The following OSBPL10 variants were observed in gnomAD, a reference collection of about 807,000 sequenced individuals.
OSBPL10 encodes oxysterol-binding protein-related protein 10.
In OSBPL10, 49 loss-of-function variants were observed where a neutral mutation model predicts 81.7. That is an observed-to-expected ratio of 0.60 (90% CI 0.48 to 0.76). The LOEUF is 0.76. OSBPL10 is among the 30% of genes least tolerant of loss of function. The pLI, the probability that OSBPL10 is intolerant of heterozygous loss-of-function variation, is 0.00. For missense variants in OSBPL10, 923 were observed against 987.8 expected, an observed-to-expected ratio of 0.93 and a Z score of 0.88; for synonymous variants, 419 against 383.6, an observed-to-expected ratio of 1.09 and a Z score of -1.08.
At chr3:31,810,025 C>T (rs1364271487) in intron 4 of OSBPL10, among the ~76,000 whole-genome samples, 1 of 151,950 alleles carries the variant, frequency 6.6e-6, no homozygotes, top group Non-Finnish European at 1.5e-5. Context: ...GCATGTGCCA[C>T]CACGCCCGGC....
intron 1 of OSBPL10, among the ~76,000 whole-genome samples, chr3:31,916,096 CAAAA>C (rs1160687382): frequency 3.6e-5 from 3 of 82,484 alleles, no homozygotes; most frequent in Non-Finnish European, 8.1e-5. Context: ...AACTCCGTCT[CAAAA>C]AAAAAAAAAA....
chr3:31,749,860 A>C (rs1697657181), intron 4 of OSBPL10, among the ~76,000 whole-genome samples: 1 of 151,822 alleles, frequency 6.6e-6, no homozygotes, highest in Non-Finnish European at 1.5e-5. Flanking sequence ...CCTTCTTGAG[A>C]AATCTTCCCA....
intron 6 of OSBPL10, among the ~76,000 whole-genome samples, chr3:31,711,237 A>G (rs1285210281): frequency 6.6e-6 from 1 of 152,250 alleles, no homozygotes; most frequent in Non-Finnish European, 1.5e-5. Context: ...CAACTGGACC[A>G]GAAATGTCAG....
upstream of OSBPL10, chr3:31,981,348 G>T: frequency 8.4e-7 from 1 of 1,183,578 alleles, no homozygotes; most frequent in Non-Finnish European, 1.1e-6. This position sits in a 1 kb window ranked among gnomAD's most constrained non-coding sequence, Gnocchi z 4.5. Flanking sequence ...AAGGAGAGCT[G>T]GGAAGGAAGC....
intron 3 of OSBPL10, among the ~76,000 whole-genome samples, chr3:31,871,266 C>G (rs887550096): frequency 1.3e-5 from 2 of 152,022 alleles, no homozygotes; most frequent in Non-Finnish European, 2.9e-5. Flanking sequence ...CCAGCGAGAC[C>G]ATGAGCCCAC....
At chr3:31,874,497 A>G (rs1007353378) in intron 3 of OSBPL10, among the ~76,000 whole-genome samples, 6 of 152,190 alleles carry the variant, frequency 3.9e-5, no homozygotes, top group African/African-American at 1.4e-4. Flanking sequence ...AATCCTTTGT[A>G]CACAAAGAGC....
intron 2 of OSBPL10, among the ~76,000 whole-genome samples, chr3:32,025,910 T>C (rs181914291): frequency 6.6e-6 from 1 of 152,244 alleles, no homozygotes; most frequent in Admixed American, 6.6e-5. Flanking sequence ...ACAGACTCCA[T>C]CAGCCAGGGT....
chr3:32,009,112 A>G (rs1190261137), intron 2 of OSBPL10, among the ~76,000 whole-genome samples: 3 of 152,182 alleles, frequency 2.0e-5, no homozygotes, highest in Non-Finnish European at 4.4e-5. Context: ...TGTTTTTGTT[A>G]TAAAATATTC....
At chr3:31,965,801 T>TA (rs1698363614) in intron 1 of OSBPL10, among the ~76,000 whole-genome samples, 2 of 70,934 alleles carry the variant, frequency 2.8e-5, no homozygotes, top group Non-Finnish European at 4.3e-5. Flanking sequence ...AGATATATTA[T>TA]CTATTTATAT....
chr3:31,961,487 G>T (rs1003647555), intron 1 of OSBPL10, among the ~76,000 whole-genome samples: 8 of 152,190 alleles, frequency 5.3e-5, no homozygotes, highest in Non-Finnish European at 1.2e-4. Flanking sequence ...TTCCAATTTT[G>T]CTGGGAGCCT....
chr3:31,703,737 G>A (rs1695971608), intron 6 of OSBPL10: 1 of 152,126 alleles, frequency 6.6e-6, no homozygotes, highest in Non-Finnish European at 1.5e-5. Context: ...ATACTCCTAA[G>A]GTGTTCTCAA....
intron 4 of OSBPL10, among the ~76,000 whole-genome samples, chr3:31,817,212 C>T (rs1699859780): frequency 6.6e-6 from 1 of 152,180 alleles, no homozygotes; most frequent in Non-Finnish European, 1.5e-5. Flanking sequence ...GCCTTCAGGC[C>T]CTCCCTGGCC....
At chr3:31,980,246 C>T (rs1419201540) in intron 1 of OSBPL10, among the ~76,000 whole-genome samples, 1 of 152,106 alleles carries the variant, frequency 6.6e-6, no homozygotes, top group African/African-American at 2.4e-5. Context: ...TCGTGATCTG[C>T]CCGCCTCGGC....
At chr3:31,726,781 G>A (rs1696820116) in intron 6 of OSBPL10, among the ~76,000 whole-genome samples, 1 of 152,010 alleles carries the variant, frequency 6.6e-6, no homozygotes, top group Admixed American at 6.6e-5. Context: ...ATCATGAGTT[G>A]CTGCACCACA....
chr3:31,674,390 T>TA (rs1485593747), intron 8 of OSBPL10, among the ~76,000 whole-genome samples: 21 of 151,698 alleles, frequency 1.4e-4, no homozygotes, highest in Admixed American at 7.2e-4. Context: ...CTCATTTCTA[T>TA]AAAAAAATTT....
chr3:31,870,274 C>T (rs1179507666), intron 3 of OSBPL10, among the ~76,000 whole-genome samples: 11 of 152,244 alleles, frequency 7.2e-5, no homozygotes, highest in Non-Finnish European at 1.2e-4. Context: ...CCAGTGGCTG[C>T]GGAGGGTGTA....
chr3:31,955,853 G>A (rs1012861605), intron 1 of OSBPL10, among the ~76,000 whole-genome samples: 1 of 152,184 alleles, frequency 6.6e-6, no homozygotes, highest in Non-Finnish European at 1.5e-5. Context: ...AGTGAGAGGG[G>A]AACAACAGGA....
chr3:31,664,242 C>A lies in OSBPL10; in HGVS notation c.2097-10G>T. On this transcript the variant is annotated splice_polypyrimidine_tract_variant and intron_variant, in intron 10 of 11. Transcript: ENST00000396556. ...CTCCCGCCAGAGGTTCCTGGGGATG[C>A]GTGGAGGAGAGGAAACAATCAGCCA... The A allele has an allele frequency of 6.2e-7, 1 of 1,611,378 alleles. No individual in the cohort carries two copies. Among genetic ancestry groups the A allele is most frequent in the South Asian group, 1.1e-5 (1 of 90,972 alleles).
At chr3:31,851,276 G>A (rs937007896) in intron 3 of OSBPL10, among the ~76,000 whole-genome samples, 11 of 152,172 alleles carry the variant, frequency 7.2e-5, no homozygotes, top group East Asian at 1.9e-4. Context: ...AGTCTGTGTC[G>A]AGAAGTCCTA....
Sources: allele counts gnomAD v4.1 joint callset (sites outside exome capture counted in the v4.1 genomes callset), GRCh38; gene constraint gnomAD v4.1.1; non-coding constraint Gnocchi (gnomAD v3.1); transcripts MANE v1.5; gene names NCBI Gene and HGNC (gene_info 2026-07-23, HGNC 2026-07-21).